Variants in MTX2 observed in about 807,000 individuals in gnomAD.
The protein encoded by MTX2 is metaxin 2, also known as metaxin-2.
MTX2 carries 35 observed loss-of-function variants against 42.3 expected under a neutral mutation model. The ratio of observed to expected loss-of-function variants is 0.83; its 90% confidence interval spans 0.63 to 1.10. MTX2 has a LOEUF of 1.10. Ranked by LOEUF, MTX2 falls within the 50% of genes least tolerant of loss-of-function variation. The probability of loss-of-function intolerance (pLI) is 0.00; values close to 1 mark genes in which losing one functional copy is unlikely to be tolerated. For missense variants in MTX2, 307 were observed against 304.1 expected, an observed-to-expected ratio of 1.01 and a Z score of -0.07; for synonymous variants, 119 against 100.9, an observed-to-expected ratio of 1.18 and a Z score of -1.08.
intron 9 of MTX2, among the ~76,000 whole-genome samples, chr2:176,337,257 G>T (rs1254817021): frequency 1.3e-5 from 2 of 152,038 alleles, no homozygotes; most frequent in Non-Finnish European, 1.5e-5. Flanking sequence ...GTTCAGGCTG[G>T]TTGTGAATTC....
chr2:176,296,839 A>G, intron 1 of MTX2, 21 bp from the exon 2 acceptor site: 1 of 1,612,836 alleles, frequency 6.2e-7, no homozygotes, highest in Non-Finnish European at 8.5e-7. Context: ...GTGCCTAATT[A>G]TCACTGCCTT....
At chr2:176,304,509 A>C (rs1461629804) in intron 3 of MTX2, 1 of 151,990 alleles carries the variant, frequency 6.6e-6, no homozygotes, top group Non-Finnish European at 1.5e-5. Flanking sequence ...AACACTTTTC[A>C]TTTATAACCT....
intron 3 of MTX2, among the ~76,000 whole-genome samples, chr2:176,298,702 A>G (rs1382251124): frequency 2.0e-5 from 3 of 152,138 alleles, no homozygotes; most frequent in African/African-American, 7.2e-5. Flanking sequence ...GTGTGGTGAA[A>G]GTAGTCATGC....
chr2:176,309,977 TTAATG>T (rs1248117657), intron 3 of MTX2, among the ~76,000 whole-genome samples: 1 of 151,574 alleles, frequency 6.6e-6, no homozygotes, highest in African/African-American at 2.4e-5. Context: ...TGCCTGTTAA[TTAATG>T]CAGTTTCTTC....
At chr2:176,283,915 C>G (rs1693135633) in intron 1 of MTX2, among the ~76,000 whole-genome samples, 1 of 151,562 alleles carries the variant, frequency 6.6e-6, no homozygotes, top group African/African-American at 2.4e-5. Flanking sequence ...TGCTGTTGAT[C>G]TCATATTCAT....
At chr2:176,282,512 G>GAT (rs943982461) in intron 1 of MTX2, among the ~76,000 whole-genome samples, 2 of 151,682 alleles carry the variant, frequency 1.3e-5, no homozygotes, top group African/African-American at 4.8e-5. Context: ...TATTTTTTTG[G>GAT]ATCCAATTCA....
rs373657839 is a variant in MTX2, at chr2:176,328,861, C to A, written c.379-13C>A. 1.2e-6 allele frequency: 2 copies of A among 1,602,278 alleles called. No individual in the cohort carries two copies. The highest frequency in any genetic ancestry group is 1.7e-6 in the Non-Finnish European group (2 of 1,172,752). ...GGTATTCTAAAGTTTAGTGACTGTTCTTTTGTTCCTAGCTGTATCTTCAGT... is the reference window on the plus strand; with the variant it reads ...GGTATTCTAAAGTTTAGTGACTGTTATTTTGTTCCTAGCTGTATCTTCAGT... On this transcript the variant is annotated splice_polypyrimidine_tract_variant and intron_variant, in intron 6 of 9. Coordinates refer to ENST00000249442, the MANE Select transcript of MTX2 (RefSeq NM_006554.5).
At chr2:176,321,667 AG>A (rs1288229730) in intron 3 of MTX2, among the ~76,000 whole-genome samples, 1 of 152,148 alleles carries the variant, frequency 6.6e-6, no homozygotes, top group African/African-American at 2.4e-5. Flanking sequence ...GTCAACAGGG[AG>A]GAAAAAGAGG....
intron 1 of MTX2, among the ~76,000 whole-genome samples, chr2:176,278,572 T>G (rs1323833769): frequency 6.6e-6 from 1 of 152,214 alleles, no homozygotes; most frequent in Non-Finnish European, 1.5e-5. Context: ...AATTTGTCAG[T>G]CTTATTTCTT....
At chr2:176,335,461 T>G (rs1438546280) in intron 9 of MTX2, among the ~76,000 whole-genome samples, 2 of 152,032 alleles carry the variant, frequency 1.3e-5, no homozygotes, top group Non-Finnish European at 2.9e-5. Flanking sequence ...TATGATCTGC[T>G]GACATTAGTC....
At chr2:176,301,257 A>G (rs1684016710) in intron 3 of MTX2, among the ~76,000 whole-genome samples, 2 of 152,098 alleles carry the variant, frequency 1.3e-5, no homozygotes, top group South Asian at 4.1e-4. Context: ...AGTGCACAGT[A>G]CTATTATTAT....
At chr2:176,331,848 G>A (rs922068254) in intron 9 of MTX2, among the ~76,000 whole-genome samples, 7 of 151,242 alleles carry the variant, frequency 4.6e-5, no homozygotes, top group Admixed American at 2.6e-4. Flanking sequence ...CTCAGAAGGG[G>A]TGTGTTTTAT....
chr2:176,295,557 CTA>C (rs1336022332), intron 1 of MTX2, among the ~76,000 whole-genome samples: 1 of 152,140 alleles, frequency 6.6e-6, no homozygotes, highest in African/African-American at 2.4e-5. Context: ...GCATACAAAA[CTA>C]TGTGTAGTTC....
intron 1 of MTX2, among the ~76,000 whole-genome samples, chr2:176,290,155 G>A (rs1359320731): frequency 1.3e-5 from 2 of 152,108 alleles, no homozygotes; most frequent in African/African-American, 4.8e-5. Flanking sequence ...TTGGGTATAT[G>A]GCAGTGAAGG....
intron 6 of MTX2, 121 bp from the exon 7 acceptor site, chr2:176,328,753 A>C: frequency 4.7e-6 from 4 of 853,998 alleles, no homozygotes; most frequent in Non-Finnish European, 7.4e-6. Flanking sequence ...AAGAAAAACA[A>C]ACCGCTACAT....
chr2:176,296,836 A>C (rs774406001), intron 1 of MTX2, 24 bp from the exon 2 acceptor site: 1 of 1,612,500 alleles, frequency 6.2e-7, no homozygotes, highest in East Asian at 2.2e-5. Flanking sequence ...TATGTGCCTA[A>C]TTATCACTGC....
chr2:176,300,133 TAGAGAGAC>T (rs3032324), intron 3 of MTX2, among the ~76,000 whole-genome samples: 39,524 of 151,418 alleles, frequency 0.26, 5,415 homozygotes, highest in African/African-American at 0.34. Flanking sequence ...ATGCACACAC[TAGAGAGAC>T]AGAGAGAGAG....
At chr2:176,305,457 G>A (rs1684119423) in intron 3 of MTX2, among the ~76,000 whole-genome samples, 1 of 152,038 alleles carries the variant, frequency 6.6e-6, no homozygotes, top group African/African-American at 2.4e-5. Flanking sequence ...TGTTCTTTCT[G>A]TACTTTCGAC....
At position 176,329,220 on chromosome 2, in the gene MTX2, A is replaced by G. The variant is rs1466405041; in HGVS notation, c.418-81A>G. ...CTCTATTTATGTTCTCTGAAAATATATTTCTTTTAGAATTCTATTTGTAAA... is the reference window on the plus strand; with the variant it reads ...CTCTATTTATGTTCTCTGAAAATATGTTTCTTTTAGAATTCTATTTGTAAA... On this transcript the variant is annotated intron_variant, in intron 7 of 9. Transcript: ENST00000249442. 2.1e-6 allele frequency: 3 copies of G among 1,452,236 alleles called. No homozygotes were observed. In the African/African-American group the frequency reaches 4.3e-5, roughly 21 times the overall value. The allele number at this position is 1,452,236 out of a possible 1,614,324, so 90.0% of individuals were successfully genotyped here.
Sources: allele counts gnomAD v4.1 joint callset (sites outside exome capture counted in the v4.1 genomes callset), GRCh38; gene constraint gnomAD v4.1.1; transcripts MANE v1.5; gene names NCBI Gene and HGNC (gene_info 2026-07-23, HGNC 2026-07-21).